METTL15: variants seen among roughly 807,000 people sequenced by gnomAD.
METTL15 encodes the protein methyltransferase 15, mitochondrial 12S rRNA N4-cytidine, also known as 12S rRNA N(4)-cytidine methyltransferase METTL15.
Under a neutral mutation model 38.3 loss-of-function variants are expected in METTL15, and 34 were observed. That is an observed-to-expected ratio of 0.89 (90% CI 0.68 to 1.18). METTL15 has a LOEUF of 1.18. Ranked by LOEUF, METTL15 falls within the 50% of genes most tolerant of loss-of-function variation. The pLI is 0.00. For synonymous variants in METTL15, 162 were observed against 170.9 expected (o/e 0.95, Z 0.41); for missense variants, 438 against 498.4 (o/e 0.88, Z 1.15).
At chr11:28,493,235 G>A (rs1380198743) in intron 6 of METTL15, among the ~76,000 whole-genome samples, 1 of 151,990 alleles carries the variant, frequency 6.6e-6, no homozygotes, top group Non-Finnish European at 1.5e-5. Context: ...TGGACCCCAG[G>A]GTTTTTATTG....
intron 5 of METTL15, among the ~76,000 whole-genome samples, chr11:28,389,660 T>G (rs1239415327): frequency 2.0e-5 from 3 of 151,918 alleles, no homozygotes; most frequent in Non-Finnish European, 2.9e-5. Flanking sequence ...GTTCCAGGTC[T>G]TTGCTATTGT....
chr11:28,472,684 G>A (rs2133465607), intron 6 of METTL15, among the ~76,000 whole-genome samples: 1 of 152,258 alleles, frequency 6.6e-6, no homozygotes, highest in Non-Finnish European at 1.5e-5. Context: ...TAAACTCAAG[G>A]AGAGATTGGA....
intron 3 of METTL15, among the ~76,000 whole-genome samples, chr11:28,142,243 A>C (rs1025387579): frequency 6.6e-6 from 1 of 152,210 alleles, no homozygotes; most frequent in African/African-American, 2.4e-5. Context: ...GATTGGTTTT[A>C]TAGATAGAAA....
At chr11:28,294,038 A>G (rs990048002) in intron 5 of METTL15, among the ~76,000 whole-genome samples, 9 of 152,084 alleles carry the variant, frequency 5.9e-5, no homozygotes, top group African/African-American at 1.9e-4. Flanking sequence ...CCTAATGAAT[A>G]CCCTTTATTT....
chr11:28,334,155 A>G (rs552187868), downstream of METTL15, among the ~76,000 whole-genome samples: 1 of 152,130 alleles, frequency 6.6e-6, no homozygotes, highest in East Asian at 1.9e-4. Flanking sequence ...AAATAAAAAA[A>G]TACCTTTTTC....
chr11:28,416,239 G>C (rs538111478), intron 5 of METTL15, among the ~76,000 whole-genome samples: 22 of 152,256 alleles, frequency 1.4e-4, no homozygotes, highest in African/African-American at 5.1e-4. Flanking sequence ...GCAGACTATA[G>C]CCCACGTGTT....
chr11:28,390,700 T>A (rs1451673812), intron 5 of METTL15, among the ~76,000 whole-genome samples: 1 of 152,222 alleles, frequency 6.6e-6, no homozygotes, highest in African/African-American at 2.4e-5. Context: ...TAGGATTGAC[T>A]TGGCAATGCG....
chr11:28,108,865 A>G (rs779920707), intron 1 of METTL15, among the ~76,000 whole-genome samples: 3 of 152,230 alleles, frequency 2.0e-5, no homozygotes, highest in Admixed American at 6.5e-5. Flanking sequence ...ATATTATTTC[A>G]GCATAGACAC....
At chr11:28,520,927 A>G (rs1244646650) in intron 6 of METTL15, among the ~76,000 whole-genome samples, 1 of 151,312 alleles carries the variant, frequency 6.6e-6, no homozygotes, top group Non-Finnish European at 1.5e-5. Context: ...AAAACAGTTT[A>G]TTTTCTTTGT....
intron 4 of METTL15, among the ~76,000 whole-genome samples, chr11:28,225,028 CT>C (rs34489579): frequency 2.0e-5 from 3 of 151,648 alleles, no homozygotes; most frequent in East Asian, 3.9e-4. Flanking sequence ...TATTTAAACA[CT>C]TTTTTAAGTA....
At chr11:28,361,858 C>G (rs1315832312) in intron 4 of METTL15, 1 of 152,078 alleles carries the variant, frequency 6.6e-6, no homozygotes, top group African/African-American at 2.4e-5. Context: ...GTTAGACAAG[C>G]CTTTGTAAGA....
chr11:28,492,471 C>T (rs563355208), intron 6 of METTL15, among the ~76,000 whole-genome samples: 2 of 151,812 alleles, frequency 1.3e-5, no homozygotes, highest in South Asian at 4.2e-4. Flanking sequence ...CGTATTCTTG[C>T]TGTGTGGAAA....
chr11:28,340,727 T>C (rs4442536), intron 3 of METTL15, among the ~76,000 whole-genome samples: 22,220 of 151,976 alleles, frequency 0.15, 1,822 homozygotes, highest in East Asian at 0.28. Flanking sequence ...TTGGTGGGAG[T>C]GTAAATTAGT....
At chr11:28,170,558 T>G (rs945824337) in intron 3 of METTL15, among the ~76,000 whole-genome samples, 4 of 152,162 alleles carry the variant, frequency 2.6e-5, no homozygotes, top group African/African-American at 9.7e-5. Flanking sequence ...TTCTTGAGTA[T>G]ACGCTAAACT....
intron 3 of METTL15, among the ~76,000 whole-genome samples, chr11:28,174,843 A>T (rs190246941): frequency 1.3e-5 from 2 of 151,394 alleles, no homozygotes; most frequent in East Asian, 3.9e-4. Context: ...TAAAAAAGCA[A>T]AAAAAGCAAA....
chr11:28,305,205 A>C (rs1857040674), intron 6 of METTL15, among the ~76,000 whole-genome samples: 2 of 152,160 alleles, frequency 1.3e-5, no homozygotes, highest in South Asian at 4.1e-4. Flanking sequence ...AAGGGAATGG[A>C]ATGTGGAAAA....
chr11:28,188,792 A>G (rs1360920490), intron 3 of METTL15, among the ~76,000 whole-genome samples: 1 of 151,236 alleles, frequency 6.6e-6, no homozygotes, highest in Non-Finnish European at 1.5e-5. Flanking sequence ...TGGTATAAGT[A>G]TAGGTGCCAG....
chr11:28,345,450 A>G (rs1352527723), intron 3 of METTL15, among the ~76,000 whole-genome samples: 1 of 152,206 alleles, frequency 6.6e-6, no homozygotes, highest in African/African-American at 2.4e-5. Flanking sequence ...TCCGTATCCC[A>G]AAGTGCTGGG....
chr11:28,416,360 G>A (rs1453359102), intron 5 of METTL15, among the ~76,000 whole-genome samples: 3 of 152,184 alleles, frequency 2.0e-5, no homozygotes, highest in Non-Finnish European at 4.4e-5. Flanking sequence ...CCAGGGAAGA[G>A]ATCCACACAG....
Sources: allele counts gnomAD v4.1 joint callset (sites outside exome capture counted in the v4.1 genomes callset), GRCh38; gene constraint gnomAD v4.1.1; transcripts MANE v1.5; gene names NCBI Gene and HGNC (gene_info 2026-07-23, HGNC 2026-07-21).